Variants in SH2D4A observed in about 807,000 individuals in gnomAD.
The protein encoded by SH2D4A is SH2 domain-containing protein 4A.
Under a neutral mutation model 64.7 loss-of-function variants are expected in SH2D4A, and 70 were observed. That is an observed-to-expected ratio of 1.08 (90% CI 0.89 to 1.32). SH2D4A has a LOEUF of 1.32. Among genes scored for constraint, SH2D4A ranks in the 40% most tolerant of loss-of-function variants. SH2D4A has a pLI of 0.00. For synonymous variants in SH2D4A, 268 were observed against 200.7 expected, an observed-to-expected ratio of 1.34 and a Z score of -2.83; for missense variants, 706 against 540.1, an observed-to-expected ratio of 1.31 and a Z score of -3.04.
At chr8:19,323,893 G>C (rs1222620201) in intron 2 of SH2D4A, among the ~76,000 whole-genome samples, 1 of 152,228 alleles carries the variant, frequency 6.6e-6, no homozygotes, top group African/African-American at 2.4e-5. Flanking sequence ...GATGAGGAAA[G>C]TCAAGCTCAG....
intron 1 of SH2D4A, among the ~76,000 whole-genome samples, chr8:19,315,821 A>G (rs954432504): frequency 6.6e-6 from 1 of 152,114 alleles, no homozygotes. Flanking sequence ...TAGTTAGTTA[A>G]TTTCCTGATT....
intron 8 of SH2D4A, among the ~76,000 whole-genome samples, chr8:19,385,949 GTTAT>G (rs2053383211): frequency 6.6e-6 from 1 of 152,202 alleles, no homozygotes; most frequent in South Asian, 2.1e-4. Context: ...GCACAGAGTA[GTTAT>G]TTATGTGATT....
chr8:19,378,343 T>C (rs1005023850), intron 8 of SH2D4A, among the ~76,000 whole-genome samples: 1 of 152,216 alleles, frequency 6.6e-6, no homozygotes, highest in East Asian at 1.9e-4. Context: ...AATCCACCCA[T>C]ATTTTATTTT....
chr8:19,362,099 G>C (rs944587307), intron 6 of SH2D4A, among the ~76,000 whole-genome samples: 1 of 152,232 alleles, frequency 6.6e-6, no homozygotes, highest in Non-Finnish European at 1.5e-5. Flanking sequence ...GAGGTGGCTT[G>C]AGGAAGACAG....
chr8:19,319,310 A>ACGCT, intron 1 of SH2D4A, 34 bp from the exon 2 acceptor site: 1 of 1,181,416 alleles, frequency 8.5e-7, no homozygotes, highest in Non-Finnish European at 1.0e-6. Context: ...ACATTTTAAC[A>ACGCT]CGCTGCCTGA....
intron 8 of SH2D4A, among the ~76,000 whole-genome samples, chr8:19,379,980 C>G (rs1249979797): frequency 6.6e-6 from 1 of 152,130 alleles, no homozygotes; most frequent in East Asian, 1.9e-4. Context: ...AAGCATTCCT[C>G]CCTCCTCAGC....
chr8:19,350,357 G>A (rs987286943), intron 4 of SH2D4A, among the ~76,000 whole-genome samples: 1 of 152,234 alleles, frequency 6.6e-6, no homozygotes, highest in African/African-American at 2.4e-5. Context: ...GCTTAGTGGT[G>A]TTTTAGGGGA....
rs79432856 is a variant in SH2D4A, at chr8:19,352,434, T to A, written c.514-4769T>A. ...GGAAGTCCACTAGCTTCTGATGTTA[T>A]TAGCTTTCAGTTTTTCTTTTTTGGA... is the stretch of plus-strand genomic sequence containing the variant. On this transcript the variant is annotated intron_variant, in intron 4 of 9. Coordinates refer to ENST00000265807, the MANE Select transcript of SH2D4A (RefSeq NM_022071.4). Among the ~76,000 whole-genome samples, 1,093 of 152,368 alleles carry A rather than the reference T, an allele frequency of 7.2e-3. 6 individuals carry two copies. Among genetic ancestry groups the A allele is most frequent in the Non-Finnish European group, 9.7e-3 (662 of 68,028 alleles).
At chr8:19,358,044 A>G (rs748947361) in intron 5 of SH2D4A, among the ~76,000 whole-genome samples, 9 of 152,204 alleles carry the variant, frequency 5.9e-5, no homozygotes, top group African/African-American at 1.7e-4. Context: ...TAAGACTTCA[A>G]GAAATCAGGA....
chr8:19,357,309 G>A (rs201348960), intron 5 of SH2D4A, 26 bp downstream of exon 5: 152 of 1,520,952 alleles, frequency 1.0e-4, no homozygotes, highest in Admixed American at 4.9e-4. Flanking sequence ...TCTGTCCTCC[G>A]GGGGCTGCAT....
intron 8 of SH2D4A, among the ~76,000 whole-genome samples, chr8:19,386,380 A>G (rs2053391886): frequency 6.6e-6 from 1 of 152,176 alleles, no homozygotes; most frequent in Admixed American, 6.5e-5. Flanking sequence ...TTTCTCATAA[A>G]TTAGTGCAGC....
At chr8:19,363,005 T>C (rs1421062327) in intron 6 of SH2D4A, among the ~76,000 whole-genome samples, 1 of 152,166 alleles carries the variant, frequency 6.6e-6, no homozygotes, top group African/African-American at 2.4e-5. Context: ...AAGTGCCTTA[T>C]GTAGAGGCAC....
intron 7 of SH2D4A, among the ~76,000 whole-genome samples, chr8:19,372,456 T>C (rs950967960): frequency 2.0e-5 from 3 of 152,176 alleles, no homozygotes; most frequent in African/African-American, 7.2e-5. Flanking sequence ...CTGCAGGGAA[T>C]GGATACTTCC....
intron 4 of SH2D4A, among the ~76,000 whole-genome samples, chr8:19,347,005 G>A (rs1249140412): frequency 6.6e-6 from 1 of 152,206 alleles, no homozygotes; most frequent in Non-Finnish European, 1.5e-5. Context: ...GTAACATCTA[G>A]GTTAGAACTG....
At chr8:19,334,881 G>A (rs768683044) in intron 4 of SH2D4A, 24 bp downstream of exon 4, 22 of 1,571,262 alleles carry the variant, frequency 1.4e-5, no homozygotes, top group South Asian at 3.6e-5. Context: ...GTCTGTAGAC[G>A]TGCGGAATTT....
At chr8:19,333,185 CT>C in intron 3 of SH2D4A, 71 bp downstream of exon 3, 1 of 1,498,420 alleles carries the variant, frequency 6.7e-7, no homozygotes, top group Non-Finnish European at 8.9e-7. Context: ...AAACACACCT[CT>C]TGCTCACAGT....
At chr8:19,334,658 TGAGAA>T (rs1478381692) in intron 3 of SH2D4A, 23 bp from the exon 4 acceptor site, 2 of 1,567,604 alleles carry the variant, frequency 1.3e-6, no homozygotes, top group South Asian at 1.2e-5. Flanking sequence ...GAATGTTTTT[TGAGAA>T]TTTCACTTTT....
rs973781959 is a variant in SH2D4A, at chr8:19,377,858, T to G, written c.1048+4198T>G. On this transcript the variant is annotated intron_variant, in intron 8 of 9. Transcript: ENST00000265807. ...ATCAGAACTCCTAGGAGGTAGGATATGTGCATCTTTAGTTACACTGCATAT... is the reference window on the plus strand; with the variant it reads ...ATCAGAACTCCTAGGAGGTAGGATAGGTGCATCTTTAGTTACACTGCATAT... 2.0e-5 allele frequency among the ~76,000 whole-genome samples: 3 copies of G among 152,190 alleles called. No homozygotes were observed. The South Asian group carries it at 6.2e-4, about 32-fold the overall frequency.
chr8:19,323,042 A>C (rs1344365337), intron 2 of SH2D4A, among the ~76,000 whole-genome samples: 2 of 152,092 alleles, frequency 1.3e-5, no homozygotes, highest in Non-Finnish European at 2.9e-5. Flanking sequence ...TGTGAATTTA[A>C]CTTAGTACTA....
Sources: allele counts gnomAD v4.1 joint callset (sites outside exome capture counted in the v4.1 genomes callset), GRCh38; gene constraint gnomAD v4.1.1; transcripts MANE v1.5; gene names NCBI Gene and HGNC (gene_info 2026-07-23, HGNC 2026-07-21).